Variants in GARIN1A observed in about 807,000 individuals in gnomAD.
GARIN1A encodes the protein Golgi-associated RAB2 interactor protein 1A.
chr7:128,674,776 G>C, the GARIN1A span, among the ~76,000 whole-genome samples: 1 of 152,080 alleles, frequency 6.6e-6, no homozygotes, highest in Admixed American at 6.6e-5. Flanking sequence ...CAAGGACTGG[G>C]CAATGGTGTC....
At chr7:128,689,585 C>T in the GARIN1A span, among the ~76,000 whole-genome samples, 4 of 141,286 alleles carry the variant, frequency 2.8e-5, no homozygotes, top group African/African-American at 1.1e-4. Flanking sequence ...AGTGAGGAGC[C>T]CCTCCGCCCG....
the GARIN1A span, chr7:128,686,606 T>A: frequency 6.6e-6 from 1 of 152,244 alleles, no homozygotes; most frequent in Non-Finnish European, 1.5e-5. Flanking sequence ...CCAGGCACGG[T>A]GGCTCATACC....
the GARIN1A span, chr7:128,680,043 C>G: frequency 1.3e-6 from 2 of 1,565,954 alleles, no homozygotes; most frequent in Non-Finnish European, 1.7e-6. Context: ...TGAAAACAGC[C>G]TCCTGTCATC....
the GARIN1A span, among the ~76,000 whole-genome samples, chr7:128,696,349 T>G: frequency 6.6e-6 from 1 of 152,074 alleles, no homozygotes; most frequent in Non-Finnish European, 1.5e-5. Flanking sequence ...CACCTTTTTG[T>G]CCATTGTGTT....
the GARIN1A span, chr7:128,677,630 G>A: frequency 8.1e-6 from 13 of 1,613,762 alleles, no homozygotes; most frequent in Non-Finnish European, 1.1e-5. Flanking sequence ...TGAGGGTTAG[G>A]ACAGTGACCG....
the GARIN1A span, chr7:128,677,483 GGC>G: frequency 7.2e-7 from 1 of 1,382,570 alleles, no homozygotes; most frequent in Non-Finnish European, 9.4e-7. Context: ...CTCTAGCCTC[GGC>G]GGCAGCGAGA....
chr7:128,697,544 G>C, the GARIN1A span: 1 of 152,288 alleles, frequency 6.6e-6, no homozygotes, highest in East Asian at 1.9e-4. Flanking sequence ...GGAAATACCG[G>C]GTGCTGTAGG....
the GARIN1A span, chr7:128,675,904 G>A: frequency 7.3e-7 from 1 of 1,365,572 alleles, no homozygotes; most frequent in East Asian, 2.3e-5. Flanking sequence ...TGATTGACTG[G>A]GATATGCATT....
At chr7:128,682,924 A>C in the GARIN1A span, 1 of 1,448,722 alleles carries the variant, frequency 6.9e-7, no homozygotes, top group South Asian at 1.3e-5. Flanking sequence ...TTTTTCTTCT[A>C]TTGCTTTCAA....
At chr7:128,707,405 T>C in the GARIN1A span, among the ~76,000 whole-genome samples, 1 of 152,086 alleles carries the variant, frequency 6.6e-6, no homozygotes, top group Non-Finnish European at 1.5e-5. Context: ...CATCTCCTCA[T>C]CTTCACCTCC....
At chr7:128,678,014 T>TA in the GARIN1A span, 8 of 232,924 alleles carry the variant, frequency 3.4e-5, no homozygotes, top group Non-Finnish European at 3.7e-5. Context: ...TAGAAATGTT[T>TA]CTTTTTTTTT....
the GARIN1A span, among the ~76,000 whole-genome samples, chr7:128,697,196 C>G: frequency 1.3e-5 from 2 of 152,162 alleles, no homozygotes; most frequent in African/African-American, 4.8e-5. Flanking sequence ...GTAAAGCCAG[C>G]AGGAAAAGAC....
the GARIN1A span, among the ~76,000 whole-genome samples, chr7:128,706,912 A>G: frequency 2.0e-5 from 3 of 152,148 alleles, no homozygotes; most frequent in Non-Finnish European, 2.9e-5. Flanking sequence ...GGAAGGCTGC[A>G]GGTTGTATTA....
chr7:128,698,267 G>C, the GARIN1A span, among the ~76,000 whole-genome samples: 1 of 152,136 alleles, frequency 6.6e-6, no homozygotes, highest in Non-Finnish European at 1.5e-5. Context: ...CACTTAGACA[G>C]CTCCTGCACC....
chr7:128,705,303 T>C, the GARIN1A span, among the ~76,000 whole-genome samples: 1 of 152,176 alleles, frequency 6.6e-6, no homozygotes, highest in Non-Finnish European at 1.5e-5. Context: ...TCTTTCTTGT[T>C]CTCAACTGTC....
the GARIN1A span, chr7:128,697,414 G>C: frequency 6.6e-6 from 1 of 152,464 alleles, no homozygotes; most frequent in African/African-American, 2.4e-5. Flanking sequence ...GCTGGGCGGG[G>C]TTCTTGGGGC....
the GARIN1A span, among the ~76,000 whole-genome samples, chr7:128,702,096 T>A: frequency 6.6e-6 from 1 of 152,080 alleles, no homozygotes; most frequent in East Asian, 1.9e-4. Flanking sequence ...GTAAAAAACC[T>A]TTCCCAGACA....
At chr7:128,703,418 A>AC in the GARIN1A span, among the ~76,000 whole-genome samples, 1 of 152,212 alleles carries the variant, frequency 6.6e-6, no homozygotes, top group South Asian at 2.1e-4. Flanking sequence ...CTTCTACATA[A>AC]CCCATGGATC....
the GARIN1A span, among the ~76,000 whole-genome samples, chr7:128,704,308 CTTT>C: frequency 7.3e-6 from 1 of 137,226 alleles, no homozygotes; most frequent in Non-Finnish European, 1.5e-5. Context: ...TTAGAGTAAC[CTTT>C]TTTTTTTTTT....
Sources: allele counts gnomAD v4.1 joint callset (sites outside exome capture counted in the v4.1 genomes callset), GRCh38; gene constraint gnomAD v4.1.1; transcripts MANE v1.5; gene names NCBI Gene and HGNC (gene_info 2026-07-23, HGNC 2026-07-21).